Variants in PCDHA10 observed in about 807,000 individuals in gnomAD.
PCDHA10 encodes protocadherin alpha 10, also known as protocadherin alpha-10.
In PCDHA10, 45 loss-of-function variants were observed where a neutral mutation model predicts 61.2. That is an observed-to-expected ratio of 0.74 (90% confidence interval 0.58 to 0.94). PCDHA10 has a LOEUF of 0.94. Among genes scored for constraint, PCDHA10 ranks in the 40% least tolerant of loss-of-function variants. The pLI is 0.00. For synonymous variants in PCDHA10, 602 were observed against 548.8 expected (o/e 1.10, Z -1.35); for missense variants, 1,278 against 1,236.2 (o/e 1.03, Z -0.51).
chr5:140,885,870 A>T (rs1302417773), intron 1 of PCDHA10, among the ~76,000 whole-genome samples: 1 of 152,162 alleles, frequency 6.6e-6, no homozygotes, highest in African/African-American at 2.4e-5. Context: ...TATTGAAAAA[A>T]AATTTTTAGT....
chr5:140,877,607 T>C (rs782533203), intron 1 of PCDHA10: 5 of 1,613,712 alleles, frequency 3.1e-6, no homozygotes. Flanking sequence ...AGCCTGCTGG[T>C]GCTCACGCTG....
At chr5:140,926,472 T>G in intron 1 of PCDHA10, 1 of 163,134 alleles carries the variant, frequency 6.1e-6, no homozygotes, top group East Asian at 1.8e-4. Context: ...AAAACACCGT[T>G]TAAGGAGAGA....
intron 3 of PCDHA10, among the ~76,000 whole-genome samples, chr5:140,991,199 C>G (rs1554252002): frequency 6.6e-6 from 1 of 152,150 alleles, no homozygotes; most frequent in East Asian, 1.9e-4. Context: ...CAATGATGCT[C>G]AATAAATTTT....
chr5:140,871,211 T>A (rs781784103), intron 1 of PCDHA10: 1 of 1,613,724 alleles, frequency 6.2e-7, no homozygotes, highest in Non-Finnish European at 8.5e-7. Flanking sequence ...ATCATCGCCA[T>A]CTGCGTGGTG....
At chr5:140,890,718 T>A (rs2062769103) in intron 1 of PCDHA10, among the ~76,000 whole-genome samples, 1 of 152,212 alleles carries the variant, frequency 6.6e-6, no homozygotes, top group Non-Finnish European at 1.5e-5. Context: ...AAAATCTTTT[T>A]AATCCCTTTT....
intron 1 of PCDHA10, among the ~76,000 whole-genome samples, chr5:140,910,536 C>G (rs1554194300): frequency 1.3e-5 from 2 of 152,168 alleles, no homozygotes; most frequent in African/African-American, 4.8e-5. Flanking sequence ...CCTCACAAAT[C>G]TATTTTGCAA....
intron 1 of PCDHA10, among the ~76,000 whole-genome samples, chr5:140,885,554 A>G (rs1025656025): frequency 5.3e-5 from 8 of 152,140 alleles, no homozygotes; most frequent in African/African-American, 1.9e-4. Context: ...TGTTATTTCT[A>G]CGAAATTGAT....
chr5:140,904,039 A>T (rs947456842), intron 1 of PCDHA10, among the ~76,000 whole-genome samples: 5 of 152,138 alleles, frequency 3.3e-5, no homozygotes, highest in Non-Finnish European at 7.4e-5. Context: ...TAACTTTTTA[A>T]TTTTTTTATT....
In PCDHA10 at chr5:140,978,014, A is replaced by C. The variant is rs939579655; in HGVS notation, c.2389-935A>C. ...AGTGTCACAAGTTTTTCACAGTGAC[A>C]TTTTTGCTTACTGATACAAGACAGT... On this transcript the variant is annotated intron_variant, in intron 1 of 3. Transcript: ENST00000307360. Among the ~76,000 whole-genome samples, 9 of 152,256 alleles carry C rather than the reference A, an allele frequency of 5.9e-5. 1 individual carries two copies. The highest frequency in any genetic ancestry group is 2.2e-4 in the African/African-American group (9 of 41,540).
In PCDHA10 at chr5:140,898,801, A is replaced by T. The variant is rs1275933236; in HGVS notation, c.2388+40365A>T. The stretch of plus-strand genomic sequence containing the variant: ...TGGGCAGTATGGCCATTTTCACGAT[A>T]CTGATTCTTCCTACCCATGAGCATG... On this transcript the variant is annotated intron_variant, in intron 1 of 3. Coordinates refer to ENST00000307360, the MANE Select transcript of PCDHA10 (RefSeq NM_018901.4). Among the ~76,000 whole-genome samples the T allele has an allele frequency of 1.3e-5, 2 of 152,200 alleles. 1 individual carries two copies. The highest frequency in any genetic ancestry group is 3.8e-4 in the East Asian group (2 of 5,198).
At chr5:140,943,380 T>A (rs2093488086) in intron 1 of PCDHA10, among the ~76,000 whole-genome samples, 3 of 151,328 alleles carry the variant, frequency 2.0e-5, no homozygotes, top group Admixed American at 2.0e-4. Context: ...AATATACAGG[T>A]AAGAAATTAT....
intron 1 of PCDHA10, among the ~76,000 whole-genome samples, chr5:140,921,612 TATC>T (rs2080294560): frequency 6.6e-6 from 1 of 152,158 alleles, no homozygotes; most frequent in Non-Finnish European, 1.5e-5. Flanking sequence ...ATAAGAAAAA[TATC>T]ATCAGATCAT....
chr5:140,862,916 G>A, intron 1 of PCDHA10: 1 of 547,890 alleles, frequency 1.8e-6, no homozygotes, highest in Non-Finnish European at 3.5e-6. Context: ...CTGGCGCCTT[G>A]GGTGGGCTGG....
intron 1 of PCDHA10, among the ~76,000 whole-genome samples, chr5:140,969,759 T>C (rs576118722): frequency 1.3e-5 from 2 of 152,338 alleles, no homozygotes; most frequent in African/African-American, 4.8e-5. Flanking sequence ...CTTAAAAAGC[T>C]CTGAGGCCTC....
intron 3 of PCDHA10, among the ~76,000 whole-genome samples, chr5:140,993,154 A>T (rs2097543247): frequency 6.6e-6 from 1 of 152,220 alleles, no homozygotes; most frequent in Admixed American, 6.5e-5. Flanking sequence ...AATGGATTCT[A>T]AATATTTGCC....
Position 140,856,394 on chromosome 5 carries a change from T to C in PCDHA10, c.346T>C (p.Phe116Leu), listed in dbSNP as rs782124565. Residue 116 changes from phenylalanine (F) to leucine (L), a missense_variant, in exon 1 of 4, where the codon TTC becomes CTC. Coordinates refer to ENST00000307360, the MANE Select transcript of PCDHA10 (RefSeq NM_018901.4). The stretch of plus-strand genomic sequence containing the variant: ...GATCGTGGACAGGCCGCTGCAGGTT[T>C]TCCATGTGGACGTGGAAGTGAAGGA... Reference protein sequence around the residue: ...EVIVDRPLQVFHVDVEVKDIN... With the variant: ...EVIVDRPLQVLHVDVEVKDIN... The C allele has an allele frequency of 2.5e-6, 4 of 1,598,384 alleles. No individual in the cohort carries two copies. The African/African-American group carries it at 5.4e-5, about 22-fold the overall frequency.
chr5:140,923,055 A>G (rs1233279179), intron 1 of PCDHA10, among the ~76,000 whole-genome samples: 1 of 152,236 alleles, frequency 6.6e-6, no homozygotes, highest in African/African-American at 2.4e-5. Flanking sequence ...TTTAGAATAA[A>G]AGAGCTAGGT....
At chr5:140,913,657 G>A (rs1554196018) in intron 1 of PCDHA10, among the ~76,000 whole-genome samples, 1 of 152,170 alleles carries the variant, frequency 6.6e-6, no homozygotes, top group Non-Finnish European at 1.5e-5. Context: ...TCTTTAAGAT[G>A]TATAGTTAGG....
chr5:140,948,705 T>C (rs1585306851), intron 1 of PCDHA10, among the ~76,000 whole-genome samples: 1 of 151,580 alleles, frequency 6.6e-6, no homozygotes, highest in African/African-American at 2.4e-5. Context: ...ATTTGTGTTC[T>C]ATCCTCTTTT....
Sources: allele counts gnomAD v4.1 joint callset (sites outside exome capture counted in the v4.1 genomes callset), GRCh38; gene constraint gnomAD v4.1.1; transcripts MANE v1.5; gene names NCBI Gene and HGNC (gene_info 2026-07-23, HGNC 2026-07-21).